APBA1: variants seen among roughly 807,000 people sequenced by gnomAD.
APBA1 encodes the protein amyloid-beta A4 precursor protein-binding family A member 1.
Under a neutral mutation model 86.6 loss-of-function variants are expected in APBA1, and 55 were observed. The observed-to-expected ratio is 0.64, with a 90% CI of 0.51 to 0.80. APBA1 has a LOEUF of 0.80. APBA1 is among the 30% of genes least tolerant of loss of function. The pLI is 0.00. For synonymous variants in APBA1, 511 were observed against 493.9 expected, an observed-to-expected ratio of 1.03 and a Z score of -0.46; for missense variants, 1,090 against 1,183.0, an observed-to-expected ratio of 0.92 and a Z score of 1.15.
intron 1 of APBA1, among the ~76,000 whole-genome samples, chr9:69,631,668 A>G (rs1457877173): frequency 1.3e-5 from 2 of 152,254 alleles, no homozygotes; most frequent in African/African-American, 4.8e-5. Flanking sequence ...AATGTCCATC[A>G]ATGATAGACT....
In APBA1 at chr9:69,516,512, C is replaced by T. The variant is rs201105010; in HGVS notation, c.699G>A (p.Ala233=). 2 of 1,595,984 alleles carry T rather than the reference C, an allele frequency of 1.3e-6. No homozygotes were observed. Among genetic ancestry groups the T allele is most frequent in the South Asian group, 1.1e-5 (1 of 90,540 alleles). ...AGCGCTCGTCGTAATGGTGCAGCCG[C>T]GCGCCCAGGGCCTCCTGGCGGTACG... ...AAAYRQEALG[A]RLHHYDERSD... is the part of the protein sequence containing the mutation. The change falls in exon 2 of 13, where the codon GCG becomes GCA. Residue 233 remains alanine, a synonymous_variant. Coordinates refer to ENST00000265381, the MANE Select transcript of APBA1 (RefSeq NM_001163.4). The surrounding 1 kb of genome is among the most constrained non-coding windows in gnomAD (Gnocchi z 7.3).
intron 11 of APBA1, among the ~76,000 whole-genome samples, chr9:69,434,577 C>T (rs1205616738): frequency 6.6e-6 from 1 of 151,842 alleles, no homozygotes; most frequent in East Asian, 1.9e-4. Context: ...CGTGGTGGCA[C>T]GTGCCTGTAG....
At chr9:69,527,156 C>T (rs1409305990) in intron 1 of APBA1, among the ~76,000 whole-genome samples, 1 of 152,018 alleles carries the variant, frequency 6.6e-6, no homozygotes, top group East Asian at 1.9e-4. Context: ...GTATCAGTCA[C>T]ATCCCAAACC....
intron 1 of APBA1, among the ~76,000 whole-genome samples, chr9:69,634,647 C>T (rs185616800): frequency 1.0e-3 from 159 of 152,154 alleles, no homozygotes; most frequent in African/African-American, 3.6e-3. Context: ...GGAGACTTAA[C>T]CCAAATAAGA....
intron 1 of APBA1, among the ~76,000 whole-genome samples, chr9:69,646,649 C>G (rs1192071510): frequency 6.6e-6 from 1 of 152,176 alleles, no homozygotes; most frequent in Non-Finnish European, 1.5e-5. Flanking sequence ...TGCTCTCCTG[C>G]AGGTAAGTTA....
chr9:69,670,783 T>C (rs1187553673), intron 1 of APBA1, among the ~76,000 whole-genome samples: 1 of 152,194 alleles, frequency 6.6e-6, no homozygotes, highest in Admixed American at 6.5e-5. Context: ...TAGTGGGCTC[T>C]ATCAGGTAGG....
chr9:69,456,190 G>T, intron 8 of APBA1, 57 bp downstream of exon 8: 1 of 1,573,456 alleles, frequency 6.4e-7, no homozygotes, highest in South Asian at 1.1e-5. Flanking sequence ...ACTGAATCAG[G>T]TTCTGAGAAG....
At chr9:69,500,617 G>T (rs756127098) in intron 2 of APBA1, among the ~76,000 whole-genome samples, 1 of 152,074 alleles carries the variant, frequency 6.6e-6, no homozygotes, top group Admixed American at 6.5e-5. Flanking sequence ...GTTAACTCAC[G>T]CAAGAAAAGC....
chr9:69,531,075 A>G (rs949761840), intron 1 of APBA1, among the ~76,000 whole-genome samples: 1 of 152,178 alleles, frequency 6.6e-6, no homozygotes, highest in Non-Finnish European at 1.5e-5. Context: ...TGATCAATAT[A>G]AAAATTATTA....
chr9:69,476,245 C>T (rs1564047630), intron 2 of APBA1, 102 bp from the exon 3 acceptor site: 3 of 757,176 alleles, frequency 4.0e-6, no homozygotes, highest in Non-Finnish European at 6.6e-6. Context: ...AGAACACAAT[C>T]GAACAGACAC....
At chr9:69,600,168 C>T (rs1822317905) in intron 1 of APBA1, among the ~76,000 whole-genome samples, 1 of 152,122 alleles carries the variant, frequency 6.6e-6, no homozygotes, top group Non-Finnish European at 1.5e-5. Context: ...TGTTAACTCC[C>T]CTCTCTCTGC....
rs377433187 is a variant in APBA1, at chr9:69,436,285, T to C, written c.2302-3609A>G. ...GGGCTCTTTTTTGGTTCCATATGAATTTTAAAGTAGTTTTTTCCAATTCTG... is the reference window on the plus strand; with the variant it reads ...GGGCTCTTTTTTGGTTCCATATGAACTTTAAAGTAGTTTTTTCCAATTCTG... On this transcript the variant is annotated intron_variant, in intron 11 of 12. Coordinates refer to ENST00000265381, the MANE Select transcript of APBA1 (RefSeq NM_001163.4). 7.6e-3 allele frequency among the ~76,000 whole-genome samples: 1,075 copies of C among 141,950 alleles called. 31 individuals are homozygous for C. Among genetic ancestry groups the C allele is most frequent in the African/African-American group, 0.022 (867 of 38,980 alleles). 93.1% of individuals were successfully genotyped at this position (141,950 alleles called of 152,430 possible). A position where few individuals can be genotyped will look rare whatever the true frequency, so the allele number is the denominator to read the frequency against.
chr9:69,482,867 C>T (rs929599878), intron 2 of APBA1, among the ~76,000 whole-genome samples: 6 of 149,924 alleles, frequency 4.0e-5, no homozygotes, highest in South Asian at 2.1e-4. Flanking sequence ...AGTAAACTAT[C>T]GCAAGAACAA....
chr9:69,587,353 C>G (rs969829201), intron 1 of APBA1, among the ~76,000 whole-genome samples: 5 of 152,118 alleles, frequency 3.3e-5, no homozygotes, highest in Non-Finnish European at 7.3e-5. Flanking sequence ...CCACTGTAAG[C>G]AAGAGGACAG....
intron 1 of APBA1, among the ~76,000 whole-genome samples, chr9:69,531,939 A>C (rs937778747): frequency 1.3e-5 from 2 of 152,206 alleles, no homozygotes; most frequent in African/African-American, 4.8e-5. Context: ...ACTGTGCTTC[A>C]GTTTTCTCTT....
chr9:69,582,179 C>T (rs922647908), intron 1 of APBA1, among the ~76,000 whole-genome samples: 2 of 152,156 alleles, frequency 1.3e-5, no homozygotes, highest in Non-Finnish European at 2.9e-5. Context: ...TTCTAAGTGG[C>T]TTTGGGCATC....
chr9:69,531,003 AT>A (rs985917930), intron 1 of APBA1, among the ~76,000 whole-genome samples: 2 of 152,182 alleles, frequency 1.3e-5, no homozygotes, highest in South Asian at 2.1e-4. Context: ...GCACATTAAA[AT>A]TTTTTTAAAA....
In APBA1 at chr9:69,523,417, T is replaced by C. The variant is rs552504430; in HGVS notation, c.-69-6138A>G. ...GAGAACAAAGAAGAGCATTACATAATGATAAAGGGTTCAATTCAACAAGAA... is the reference window on the plus strand; with the variant it reads ...GAGAACAAAGAAGAGCATTACATAACGATAAAGGGTTCAATTCAACAAGAA... On this transcript the variant is annotated intron_variant, in intron 1 of 12. Transcript: ENST00000265381. Among the ~76,000 whole-genome samples, 5 of 143,334 alleles carry C rather than the reference T, an allele frequency of 3.5e-5. No individual in the cohort carries two copies. The South Asian group carries it at 6.6e-4, about 19-fold the overall frequency. 94.0% of individuals were successfully genotyped at this position (143,334 alleles called of 152,430 possible). A position where few individuals can be genotyped will look rare whatever the true frequency, so the allele number is the denominator to read the frequency against.
At chr9:69,600,346 T>C (rs1376395152) in intron 1 of APBA1, among the ~76,000 whole-genome samples, 2 of 152,166 alleles carry the variant, frequency 1.3e-5, no homozygotes, top group East Asian at 3.9e-4. Context: ...CCCCGAACCT[T>C]TGCTTCCTCA....
Sources: gnomAD v4.1 joint callset for allele counts (sites outside exome capture counted in the v4.1 genomes callset) on GRCh38, gnomAD v4.1.1 for gene constraint, Gnocchi (gnomAD v3.1) non-coding constraint, MANE v1.5 for transcripts, NCBI Gene and HGNC (gene_info 2026-07-23, HGNC 2026-07-21) for gene names.